Variants in RBPJL observed in about 807,000 individuals in gnomAD.
RBPJL encodes the protein recombining binding protein suppressor of hairless-like protein.
Under a neutral mutation model 57.6 loss-of-function variants are expected in RBPJL, and 50 were observed. The ratio of observed to expected loss-of-function variants is 0.87; its 90% CI spans 0.69 to 1.10. The LOEUF is 1.10. Ranked by LOEUF, RBPJL falls within the 50% of genes least tolerant of loss-of-function variation. RBPJL has a pLI of 0.00. For missense variants in RBPJL, 684 were observed against 693.7 expected (o/e 0.99, Z 0.16); for synonymous variants, 303 against 294.4 (o/e 1.03, Z -0.30).
At chr20:45,308,449 G>A in intron 2 of RBPJL, 198 bp downstream of exon 2, 1 of 578,774 alleles carries the variant, frequency 1.7e-6, no homozygotes, top group Non-Finnish European at 3.1e-6. Context: ...TACCACGCTT[G>A]GAGCTGCAGA....
intron 10 of RBPJL, 53 bp downstream of exon 10, chr20:45,316,395 A>G: frequency 6.2e-7 from 1 of 1,604,430 alleles, no homozygotes; most frequent in Non-Finnish European, 8.5e-7. Context: ...TGCACTGGGC[A>G]GTGGTGGTGC....
At chr20:45,311,471 GC>G in intron 3 of RBPJL, 117 bp from the exon 4 acceptor site, 3 of 867,656 alleles carry the variant, frequency 3.5e-6, no homozygotes, top group Non-Finnish European at 1.9e-6. Flanking sequence ...AAAAAGCGTT[GC>G]GGGGAGCGGG....
At chr20:45,309,507 C>T (rs1254363034) in intron 2 of RBPJL, 60 bp from the exon 3 acceptor site, 1 of 1,543,922 alleles carries the variant, frequency 6.5e-7, no homozygotes. Flanking sequence ...TGCTTGGACC[C>T]TGTGCCACCT....
At chr20:45,315,372 G>A (rs1354269180) in intron 9 of RBPJL, among the ~76,000 whole-genome samples, 2 of 151,238 alleles carry the variant, frequency 1.3e-5, no homozygotes, top group Non-Finnish European at 2.9e-5. Context: ...TAAAATTGTA[G>A]ATTATTAGAG....
At chr20:45,308,515 C>T (rs953239167) in intron 2 of RBPJL, 3 of 501,256 alleles carry the variant, frequency 6.0e-6, no homozygotes, top group Non-Finnish European at 1.1e-5. Flanking sequence ...CTGGGGAGAC[C>T]GGGGCAGCCA....
At chr20:45,310,662 T>C (rs1049183476) in intron 3 of RBPJL, among the ~76,000 whole-genome samples, 6 of 151,118 alleles carry the variant, frequency 4.0e-5, no homozygotes, top group African/African-American at 1.5e-4. Flanking sequence ...CAATTAGGCC[T>C]GTTTGAGGTA....
intron 6 of RBPJL, among the ~76,000 whole-genome samples, 194 bp from the exon 7 acceptor site, chr20:45,313,274 C>G (rs1158510820): frequency 6.6e-6 from 1 of 151,770 alleles, no homozygotes; most frequent in Non-Finnish European, 1.5e-5. Context: ...CACCCTGACC[C>G]CCTCCCTCAC....
Position 45,308,213 on chromosome 20 carries a change from C to A in RBPJL, c.93C>A (p.Ser31Arg). 2 of 1,614,008 alleles carry A rather than the reference C, an allele frequency of 1.2e-6. No individual in the cohort carries two copies. The highest frequency in any genetic ancestry group is 2.2e-5 in the South Asian group (2 of 91,078). Residue 31 changes from serine to arginine, a missense_variant, in exon 2 of 12, where the codon AGC becomes AGA. By Grantham distance (110) the Ser-to-Arg change is moderately radical. Transcript: ENST00000343694. ...LQDRSEMQLQ[S>R]EADRRSLPGT... is the part of the protein sequence containing the mutation. ...ACAGATCAGAGATGCAGCTGCAGAG[C>A]GAAGCCGACAGGCGGAGCCTCCCGG...
At position 45,309,660 on chromosome 20, in the gene RBPJL, G is replaced by C. The variant is rs769168738; in HGVS notation, c.225G>C (p.Lys75Asn). Reference protein sequence around the residue: ...CEQTVRILHAKVAQKSYGNEK... With the variant: ...CEQTVRILHANVAQKSYGNEK... ...AGACTGTGCGGATCCTGCATGCCAA[G>C]GTGGCCCAGAAATCATACGGAAATG... The change falls in exon 3 of 12, where the codon AAG becomes AAC. Residue 75 changes from lysine (K) to asparagine (N), a missense_variant. Physicochemically the swap from Lys to Asn is moderately conservative, Grantham distance 94. Transcript: ENST00000343694. 6.2e-7 allele frequency: 1 copy of C among 1,613,638 alleles called. No homozygotes were observed. Among genetic ancestry groups the C allele is most frequent in the South Asian group, 1.1e-5 (1 of 90,950 alleles).
intron 6 of RBPJL, 109 bp downstream of exon 6, chr20:45,312,504 GTGGAAAAGGTGGAGTCGGAGC>G: frequency 1.8e-6 from 2 of 1,095,152 alleles, no homozygotes; most frequent in Non-Finnish European, 2.6e-6. Flanking sequence ...AGGGGTCAGA[GTGGAAAAGGTGGAGTCGGAGC>G]CGAGAGGGGA....
chr20:45,316,151 G>A, intron 9 of RBPJL, 36 bp from the exon 10 acceptor site: 1 of 1,600,518 alleles, frequency 6.2e-7, no homozygotes, highest in Non-Finnish European at 8.6e-7. Context: ...GCCACCATGA[G>A]AAGCTTCGGC....
At chr20:45,315,329 C>G (rs954439070) in intron 9 of RBPJL, among the ~76,000 whole-genome samples, 1 of 151,826 alleles carries the variant, frequency 6.6e-6, no homozygotes. Flanking sequence ...AAGTATTATT[C>G]CTTCCCCAAG....
At chr20:45,311,978 C>T (rs1987198769) in intron 5 of RBPJL, 24 bp downstream of exon 5, 2 of 1,514,814 alleles carry the variant, frequency 1.3e-6, no homozygotes, top group Admixed American at 2.0e-5. Context: ...GGAAGGGGTC[C>T]GATTCCTGCT....
chr20:45,308,252 G>A lies in RBPJL; in HGVS notation c.131+1G>A, dbSNP rs758594583. The A allele has an allele frequency of 1.9e-6, 3 of 1,605,694 alleles. No individual in the cohort carries two copies. Among genetic ancestry groups the A allele is most frequent in the Non-Finnish European group, 1.7e-6 (2 of 1,172,416 alleles). On this transcript the variant is annotated splice_donor_variant, in intron 2 of 11. Coordinates refer to ENST00000343694, the MANE Select transcript of RBPJL (RefSeq NM_014276.4). LOFTEE classifies it high-confidence loss of function. ...GGAGCCTCCCGGGCACTTGGACCAGGTAACGGCGGCGTGGCAGCGTGCCCT... is the reference window on the plus strand; with the variant it reads ...GGAGCCTCCCGGGCACTTGGACCAGATAACGGCGGCGTGGCAGCGTGCCCT...
intron 1 of RBPJL, 124 bp downstream of exon 1, chr20:45,307,068 G>A: frequency 5.5e-6 from 3 of 544,428 alleles, no homozygotes; most frequent in Non-Finnish European, 8.4e-6. Flanking sequence ...CCGCCGAACT[G>A]CAAAAGCAGG....
At chr20:45,309,499 C>T in intron 2 of RBPJL, 68 bp from the exon 3 acceptor site, 1 of 1,527,520 alleles carries the variant, frequency 6.5e-7, no homozygotes, top group Non-Finnish European at 8.8e-7. Flanking sequence ...AACCTGAGTG[C>T]TTGGACCCTG....
intron 7 of RBPJL, 85 bp downstream of exon 7, chr20:45,313,690 A>G (rs956387330): frequency 3.5e-5 from 47 of 1,359,582 alleles, no homozygotes; most frequent in Non-Finnish European, 4.0e-5. Context: ...AAGGAAGGTA[A>G]ACTCTGCCCC....
At chr20:45,307,513 G>A (rs535222992) in intron 1 of RBPJL, among the ~76,000 whole-genome samples, 1 of 152,254 alleles carries the variant, frequency 6.6e-6, no homozygotes, top group East Asian at 1.9e-4. Flanking sequence ...CAACATCCCT[G>A]GACAGCATGA....
rs537317414 is a variant in RBPJL, at chr20:45,312,843, A to G, written c.619+448A>G. On this transcript the variant is annotated intron_variant, in intron 6 of 11. Coordinates refer to ENST00000343694, the MANE Select transcript of RBPJL (RefSeq NM_014276.4). ...TGTCTGTACCAAAAAAAAAAAAAAA[A>G]AAAGAAAAAGAAAAATTAGCCTGGC... is the stretch of plus-strand genomic sequence containing the variant. Among the ~76,000 whole-genome samples, 95 of 151,220 alleles carry G rather than the reference A, an allele frequency of 6.3e-4. 2 individuals carry two copies. Among genetic ancestry groups the G allele is most frequent in the South Asian group, 5.4e-3 (26 of 4,778 alleles).
Sources: gnomAD v4.1 joint callset for allele counts (sites outside exome capture counted in the v4.1 genomes callset) on GRCh38, gnomAD v4.1.1 for gene constraint, MANE v1.5 for transcripts, NCBI Gene and HGNC (gene_info 2026-07-23, HGNC 2026-07-21) for gene names.